Variants in LCLAT1 observed in about 807,000 individuals in gnomAD.
LCLAT1 encodes the protein 1-AGP acyltransferase 8.
In LCLAT1, 11 loss-of-function variants were observed where a neutral mutation model predicts 30.7. The ratio of observed to expected loss-of-function variants is 0.36; its 90% CI spans 0.23 to 0.59. The LOEUF (loss-of-function observed/expected upper bound fraction) is 0.59, where lower values mean the gene tolerates loss of function less well. Ranked by LOEUF, LCLAT1 falls within the 20% of genes least tolerant of loss-of-function variation. The pLI, the probability that LCLAT1 is intolerant of heterozygous loss-of-function variation, is 0.77. For synonymous variants in LCLAT1, 155 were observed against 151.3 expected (o/e 1.02, Z -0.18); for missense variants, 402 against 458.6 (o/e 0.88, Z 1.13).
intron 1 of LCLAT1, among the ~76,000 whole-genome samples, chr2:30,504,006 C>T (rs985433125): frequency 3.3e-5 from 5 of 152,162 alleles, no homozygotes; most frequent in African/African-American, 1.2e-4. Context: ...CTTAGCCTGA[C>T]TGTCACAACT....
intron 1 of LCLAT1, among the ~76,000 whole-genome samples, chr2:30,499,424 T>C (rs10174170): frequency 0.14 from 20,664 of 152,218 alleles, 1,506 homozygotes; most frequent in South Asian, 0.22. Context: ...TCAGGTGATC[T>C]GCCCACCTCG....
intron 1 of LCLAT1, among the ~76,000 whole-genome samples, chr2:30,454,619 A>ATT (rs10710753): frequency 6.3e-5 from 9 of 143,370 alleles, no homozygotes; most frequent in East Asian, 2.0e-4. Flanking sequence ...CGTCTGGCTA[A>ATT]TTTTTTTTTT....
At chr2:30,627,656 A>T (rs1387231306) in intron 5 of LCLAT1, among the ~76,000 whole-genome samples, 1 of 152,084 alleles carries the variant, frequency 6.6e-6, no homozygotes, top group Non-Finnish European at 1.5e-5. Flanking sequence ...CTACACTATA[A>T]TTTTATTATT....
At chr2:30,472,559 G>T (rs907018464) in intron 1 of LCLAT1, among the ~76,000 whole-genome samples, 1 of 152,132 alleles carries the variant, frequency 6.6e-6, no homozygotes, top group Non-Finnish European at 1.5e-5. Flanking sequence ...TATAAAAGTG[G>T]AAGTGCCCCT....
chr2:30,493,747 A>G (rs957184862), intron 1 of LCLAT1, among the ~76,000 whole-genome samples: 2 of 152,266 alleles, frequency 1.3e-5, no homozygotes, highest in South Asian at 2.1e-4. Flanking sequence ...AATGGGGGCT[A>G]TCAAATCAGA....
At chr2:30,592,313 T>C (rs897853047) in intron 5 of LCLAT1, among the ~76,000 whole-genome samples, 2 of 152,136 alleles carry the variant, frequency 1.3e-5, no homozygotes, top group Non-Finnish European at 2.9e-5. Flanking sequence ...AGACCCTGTC[T>C]CTACAAATAA....
intron 5 of LCLAT1, among the ~76,000 whole-genome samples, chr2:30,575,970 A>T (rs898876738): frequency 3.1e-4 from 47 of 152,162 alleles, no homozygotes; most frequent in African/African-American, 1.1e-3. Flanking sequence ...GGTCCAGGTT[A>T]TAATTACTGC....
At chr2:30,526,600 C>T (rs1460452573) in intron 2 of LCLAT1, among the ~76,000 whole-genome samples, 2 of 152,052 alleles carry the variant, frequency 1.3e-5, no homozygotes, top group Non-Finnish European at 1.5e-5. Context: ...AAAATTTCTT[C>T]TTGCTTTTTT....
chr2:30,572,515 C>T (rs1665823537), intron 5 of LCLAT1, among the ~76,000 whole-genome samples: 1 of 152,196 alleles, frequency 6.6e-6, no homozygotes, highest in South Asian at 2.1e-4. Flanking sequence ...CCTAATTCTC[C>T]TACCTAAGCT....
At chr2:30,552,738 A>T (rs1664736278) in intron 3 of LCLAT1, 1 of 214,654 alleles carries the variant, frequency 4.7e-6, no homozygotes. Flanking sequence ...AAGTATAACT[A>T]CTTGTTACTT....
chr2:30,510,790 A>AT (rs549136028), intron 1 of LCLAT1, among the ~76,000 whole-genome samples: 168 of 150,288 alleles, frequency 1.1e-3, no homozygotes, highest in African/African-American at 3.9e-3. Flanking sequence ...TTTTTGGGAG[A>AT]TTTTTTCTCA....
At chr2:30,564,423 CTT>C (rs969960587) in intron 4 of LCLAT1, among the ~76,000 whole-genome samples, 1 of 151,832 alleles carries the variant, frequency 6.6e-6, no homozygotes, top group South Asian at 2.1e-4. Context: ...ATATGTAAAA[CTT>C]TTTTCATTCT....
intron 3 of LCLAT1, among the ~76,000 whole-genome samples, chr2:30,537,977 C>G (rs1663877259): frequency 6.6e-6 from 1 of 151,826 alleles, no homozygotes; most frequent in African/African-American, 2.4e-5. Flanking sequence ...TTCTGAATGA[C>G]CGGTGGATCA....
At chr2:30,629,124 G>A (rs1668647734) in intron 5 of LCLAT1, among the ~76,000 whole-genome samples, 1 of 152,170 alleles carries the variant, frequency 6.6e-6, no homozygotes, top group Admixed American at 6.5e-5. Flanking sequence ...TGGCTATATG[G>A]CAAAATTAGT....
At chr2:30,633,046 ATCCAT>A (rs1388521314) in intron 5 of LCLAT1, among the ~76,000 whole-genome samples, 1 of 152,174 alleles carries the variant, frequency 6.6e-6, no homozygotes, top group African/African-American at 2.4e-5. Flanking sequence ...ATCTGAATCA[ATCCAT>A]TCAAGACTGT....
At chr2:30,527,488 T>C (rs1685774031) in intron 2 of LCLAT1, among the ~76,000 whole-genome samples, 1 of 152,222 alleles carries the variant, frequency 6.6e-6, no homozygotes, top group African/African-American at 2.4e-5. Context: ...TGAGAATTGG[T>C]AAAAATTACT....
chr2:30,528,471 A>C (rs1041261008), intron 2 of LCLAT1, among the ~76,000 whole-genome samples: 1 of 152,326 alleles, frequency 6.6e-6, no homozygotes, highest in African/African-American at 2.4e-5. Context: ...ATGTGAGATG[A>C]AATAGGAAAT....
At chr2:30,539,949 C>G (rs17009671) in intron 3 of LCLAT1, among the ~76,000 whole-genome samples, 2,341 of 152,210 alleles carry the variant, frequency 0.015, 54 homozygotes, top group African/African-American at 0.054. Flanking sequence ...GAAACCTGGT[C>G]TGTTTAGTTC....
chr2:30,494,110 CTGT>C (rs1354749649), intron 1 of LCLAT1, among the ~76,000 whole-genome samples: 2 of 152,080 alleles, frequency 1.3e-5, no homozygotes, highest in Non-Finnish European at 2.9e-5. Context: ...GTTGTCACAG[CTGT>C]TCAGGATGAT....
Sources: gnomAD v4.1 joint callset for allele counts (sites outside exome capture counted in the v4.1 genomes callset) on GRCh38, gnomAD v4.1.1 for gene constraint, MANE v1.5 for transcripts, NCBI Gene and HGNC (gene_info 2026-07-23, HGNC 2026-07-21) for gene names.